PAAF1: variants seen among roughly 807,000 people sequenced by gnomAD.
PAAF1 encodes the protein proteasomal ATPase associated factor 1, also known as proteasomal ATPase-associated factor 1.
Under a neutral mutation model 52.8 loss-of-function variants are expected in PAAF1, and 46 were observed. The observed-to-expected ratio is 0.87, with a 90% CI of 0.69 to 1.11. The LOEUF (loss-of-function observed/expected upper bound fraction) is 1.11. Ranked by LOEUF, PAAF1 falls within the 50% of genes most tolerant of loss-of-function variation. PAAF1 has a pLI of 0.00. For synonymous variants in PAAF1, 178 were observed against 172.8 expected, an observed-to-expected ratio of 1.03 and a Z score of -0.24; for missense variants, 424 against 477.4, an observed-to-expected ratio of 0.89 and a Z score of 1.04.
rs1349191332 is a variant in PAAF1, at chr11:73,929,657, G to A, written c.*2295G>A. On this transcript the variant is annotated 3_prime_UTR_variant, in exon 12 of 12. Transcript: ENST00000310571. ...GTGACTAGAGCAATTTCATTTCAAG[G>A]TGCAGTTTGTGACAGGGTCAGGTAG... 1 of 152,236 alleles carries A rather than the reference G, an allele frequency of 6.6e-6. No homozygotes were observed. The highest frequency in any genetic ancestry group is 2.4e-5 in the African/African-American group (1 of 41,456). 9.4% of individuals were successfully genotyped at this position (152,236 alleles called of 1,614,324 possible). A position where few individuals can be genotyped will look rare whatever the true frequency, so the allele number is the denominator to read the frequency against.
chr11:73,909,714 C>T, intron 7 of PAAF1, 121 bp downstream of exon 7: 1 of 868,042 alleles, frequency 1.2e-6, no homozygotes, highest in South Asian at 1.7e-5. Flanking sequence ...CTGTTTTCAC[C>T]ATACGATTAA....
intron 4 of PAAF1, among the ~76,000 whole-genome samples, chr11:73,897,632 C>G (rs1485947116): frequency 6.7e-6 from 1 of 148,722 alleles, no homozygotes. Flanking sequence ...GGGATGGCGG[C>G]CGGGCAGAGA....
At chr11:73,925,911 G>A (rs1169970411) in intron 11 of PAAF1, among the ~76,000 whole-genome samples, 1 of 152,014 alleles carries the variant, frequency 6.6e-6, no homozygotes, top group Non-Finnish European at 1.5e-5. Flanking sequence ...AGCATTAAAA[G>A]TTTGGCACAT....
At position 73,914,456 on chromosome 11, in the gene PAAF1, C is replaced by T. The variant is rs1165159310; in HGVS notation, c.771C>T (p.Ala257=). 3.7e-6 allele frequency: 6 copies of T among 1,613,814 alleles called. No individual in the cohort carries two copies. Among genetic ancestry groups the T allele is most frequent in the Non-Finnish European group, 5.1e-6 (6 of 1,179,976 alleles). ...CAGAGGCCAAAATGCTGCTCTTGGC[C>T]CGGGAAGATAAGAAACTTCAGTGCT... The part of the protein sequence containing the change: ...VGTEAKMLLL[A]REDKKLQCLG... Residue 257 remains alanine (A), a synonymous_variant, in exon 8 of 12, where the codon GCC becomes GCT. Coordinates refer to ENST00000310571, the MANE Select transcript of PAAF1 (RefSeq NM_025155.3).
chr11:73,887,426 C>T lies in PAAF1; in HGVS notation c.161C>T (p.Ser54Leu). ...GLDGIPEVTA[S>L]EGFTVNEINK... ...GATGGCATCCCAGAGGTTACAGCTT[C>T]AGAAGGATTTACTGTGAATGAAATA... The change falls in exon 3 of 12, where the codon TCA (serine) becomes TTA (leucine). Residue 54 changes from serine (S) to leucine (L), a missense_variant. Physicochemically the swap from Ser to Leu is moderately radical, Grantham distance 145. Coordinates refer to ENST00000310571, the MANE Select transcript of PAAF1 (RefSeq NM_025155.3). 1 of 1,609,230 alleles carries T rather than the reference C, an allele frequency of 6.2e-7. No homozygotes were observed. Among genetic ancestry groups the T allele is most frequent in the Non-Finnish European group, 8.5e-7 (1 of 1,178,482 alleles).
chr11:73,927,362 ACTT>A lies in PAAF1; in HGVS notation c.*4_*6del. On this transcript the variant is annotated 3_prime_UTR_variant, in exon 12 of 12. Transcript: ENST00000310571. ...GACGCTACCAGCTTTCTGACCTCTG[ACTT>A]CTTGGAAAGAGCAGTCCCGGTTAGT... The A allele has an allele frequency of 6.2e-7, 1 of 1,613,142 alleles. No homozygotes were observed. Among genetic ancestry groups the A allele is most frequent in the East Asian group, 2.2e-5 (1 of 44,888 alleles).
rs1418459300 is a variant in PAAF1, at chr11:73,930,865, C to T, written c.*3503C>T. ...GGAGGAGGAATGGGGAAATGATGGTCATAGGGTGCAAAGTCTCAGGAGGAA... is the reference window on the plus strand; with the variant it reads ...GGAGGAGGAATGGGGAAATGATGGTTATAGGGTGCAAAGTCTCAGGAGGAA... On this transcript the variant is annotated 3_prime_UTR_variant, in exon 12 of 12. Transcript: ENST00000310571. The T allele has an allele frequency of 6.6e-6, 1 of 151,286 alleles. No individual in the cohort carries two copies. The highest frequency in any genetic ancestry group is 2.4e-5 in the African/African-American group (1 of 41,124). 9.4% of individuals were successfully genotyped at this position (151,286 alleles called of 1,614,324 possible).
intron 4 of PAAF1, 32 bp from the exon 5 acceptor site, chr11:73,899,114 T>C: frequency 6.5e-7 from 1 of 1,526,934 alleles, no homozygotes; most frequent in Non-Finnish European, 9.1e-7. Flanking sequence ...TTTCATTATT[T>C]CTAACACATT....
At chr11:73,921,262 C>T (rs993415811) in intron 10 of PAAF1, among the ~76,000 whole-genome samples, 2 of 150,896 alleles carry the variant, frequency 1.3e-5, no homozygotes, top group East Asian at 2.0e-4. Context: ...ATTGTACCAC[C>T]GCACTCCAGC....
intron 6 of PAAF1, among the ~76,000 whole-genome samples, chr11:73,901,944 A>G (rs1225073721): frequency 1.4e-5 from 2 of 144,120 alleles, no homozygotes; most frequent in East Asian, 4.0e-4. Flanking sequence ...GCTCACTGCA[A>G]CCTCCCCATC....
upstream of PAAF1, chr11:73,876,740 C>T (rs1448298698): frequency 6.2e-6 from 2 of 321,390 alleles, no homozygotes; most frequent in Non-Finnish European, 1.1e-5. Flanking sequence ...CTGAAGAACG[C>T]GGTACGCGAT....
intron 11 of PAAF1, among the ~76,000 whole-genome samples, chr11:73,926,535 C>G (rs572696658): frequency 7.9e-5 from 12 of 152,236 alleles, no homozygotes; most frequent in Non-Finnish European, 5.9e-5. Flanking sequence ...CGGTGAAACC[C>G]TGTCTCTACT....
At chr11:73,909,680 T>C in intron 7 of PAAF1, 87 bp downstream of exon 7, 2 of 1,202,674 alleles carry the variant, frequency 1.7e-6, no homozygotes, top group Non-Finnish European at 1.2e-6. Context: ...TTCCTCATCC[T>C]TTTCTGCTCT....
chr11:73,921,835 T>G, intron 10 of PAAF1: 2 of 1,114,342 alleles, frequency 1.8e-6, no homozygotes, highest in Non-Finnish European at 2.7e-6. Flanking sequence ...GTTTGCAGGT[T>G]TGGGATACAT....
At chr11:73,896,972 G>C (rs530062483) in intron 4 of PAAF1, among the ~76,000 whole-genome samples, 2,545 of 133,844 alleles carry the variant, frequency 0.019, 116 homozygotes, top group African/African-American at 0.067. Flanking sequence ...CTGGCCGGGC[G>C]GGGGGGCTGA....
At chr11:73,908,265 G>A (rs189842885) in intron 6 of PAAF1, among the ~76,000 whole-genome samples, 1 of 139,996 alleles carries the variant, frequency 7.1e-6, no homozygotes, top group African/African-American at 2.9e-5. Context: ...ATGTATATAT[G>A]TGTATATATG....
At chr11:73,889,061 T>C in intron 3 of PAAF1, 1 of 725,666 alleles carries the variant, frequency 1.4e-6, no homozygotes, top group South Asian at 1.7e-5. Context: ...ATGCTGGAAT[T>C]GAAACCCAGT....
At chr11:73,920,658 C>T (rs1047515102) in intron 10 of PAAF1, among the ~76,000 whole-genome samples, 1 of 149,214 alleles carries the variant, frequency 6.7e-6, no homozygotes, top group Non-Finnish European at 1.5e-5. Flanking sequence ...TTTGAGACTA[C>T]CCTGGCCAAC....
chr11:73,901,739 T>C (rs948793931), intron 6 of PAAF1, among the ~76,000 whole-genome samples: 38 of 152,084 alleles, frequency 2.5e-4, no homozygotes, highest in Admixed American at 2.3e-3. Context: ...CTGGCTAATT[T>C]TTGTATTTTT....
Sources: allele counts gnomAD v4.1 joint callset (sites outside exome capture counted in the v4.1 genomes callset), GRCh38; gene constraint gnomAD v4.1.1; transcripts MANE v1.5; gene names NCBI Gene and HGNC (gene_info 2026-07-23, HGNC 2026-07-21).